STMND1: variants seen among roughly 807,000 people sequenced by gnomAD.
STMND1 encodes the protein stathmin domain-containing protein 1.
STMND1 carries 17 observed loss-of-function variants against 23.0 expected under a neutral mutation model. That is an observed-to-expected ratio of 0.74 (90% confidence interval 0.51 to 1.11). The LOEUF (loss-of-function observed/expected upper bound fraction) is 1.11, where lower values mean the gene tolerates loss of function less well. Among genes scored for constraint, STMND1 ranks in the 50% least tolerant of loss-of-function variants. The pLI is 0.00. For synonymous variants in STMND1, 114 were observed against 119.9 expected, an observed-to-expected ratio of 0.95 and a Z score of 0.32; for missense variants, 305 against 329.1, an observed-to-expected ratio of 0.93 and a Z score of 0.57.
At chr6:17,123,270 A>G (rs1456424161) in intron 3 of STMND1, among the ~76,000 whole-genome samples, 4 of 152,172 alleles carry the variant, frequency 2.6e-5, no homozygotes, top group African/African-American at 9.7e-5. Flanking sequence ...AAAGATGAAG[A>G]CTATTTTTCA....
Position 17,115,013 on chromosome 6 carries a change from G to A in STMND1, c.133G>A (p.Ala45Thr), listed in dbSNP as rs1019129811. 1.3e-6 allele frequency: 2 copies of A among 1,534,884 alleles called. No homozygotes were observed. The highest frequency in any genetic ancestry group is 2.7e-5 in the African/African-American group (2 of 72,960). ...GGAAAATTGCAGCCCCCGGATGGAA[G>A]CTGCTCTGACCAAGAATACTGTGGA... ...TGENCSPRMEAALTKNTVDIA... is the reference protein window; with the variant it reads ...TGENCSPRMETALTKNTVDIA... The change falls in exon 2 of 5, where the codon GCT becomes ACT. Residue 45 changes from alanine to threonine, a missense_variant. Transcript: ENST00000536551.
intron 1 of STMND1, among the ~76,000 whole-genome samples, chr6:17,102,612 G>A (rs1484841132): frequency 6.6e-6 from 1 of 152,170 alleles, no homozygotes; most frequent in Admixed American, 6.5e-5. Context: ...AGAGCCTTTG[G>A]TGTTTAAAGA....
intron 1 of STMND1, among the ~76,000 whole-genome samples, chr6:17,103,526 A>G (rs1027154130): frequency 6.8e-6 from 1 of 147,756 alleles, no homozygotes; most frequent in Non-Finnish European, 1.5e-5. Context: ...TCTGCTTTCC[A>G]TCCTGAAACT....
At chr6:17,111,445 A>G (rs1761095597) in intron 1 of STMND1, among the ~76,000 whole-genome samples, 1 of 152,194 alleles carries the variant, frequency 6.6e-6, no homozygotes, top group African/African-American at 2.4e-5. Flanking sequence ...ATTCCAACAC[A>G]GTTTATAATA....
At chr6:17,117,214 G>A (rs528113881) in intron 2 of STMND1, among the ~76,000 whole-genome samples, 12 of 151,900 alleles carry the variant, frequency 7.9e-5, no homozygotes, top group Admixed American at 7.2e-4. Context: ...GATTACAGGC[G>A]CCCACCACCA....
At chr6:17,112,898 A>C (rs1761112026) in intron 1 of STMND1, among the ~76,000 whole-genome samples, 1 of 152,198 alleles carries the variant, frequency 6.6e-6, no homozygotes. Context: ...GCAATATATG[A>C]GGGTTCCAAT....
chr6:17,108,376 T>C (rs1052597700), intron 1 of STMND1, among the ~76,000 whole-genome samples: 2 of 152,222 alleles, frequency 1.3e-5, no homozygotes, highest in Non-Finnish European at 2.9e-5. Flanking sequence ...TTGTTGTTGT[T>C]ACTATCGTTA....
At chr6:17,106,849 C>A (rs4716109) in intron 1 of STMND1, among the ~76,000 whole-genome samples, 49,038 of 151,934 alleles carry the variant, frequency 0.32, 8,096 homozygotes, top group African/African-American at 0.34. Flanking sequence ...TTTAGTTTAT[C>A]GTGGTGAGAA....
At chr6:17,110,739 GC>G (rs1581367484) in intron 1 of STMND1, 1 of 452,088 alleles carries the variant, frequency 2.2e-6, no homozygotes, top group Non-Finnish European at 4.4e-6. Flanking sequence ...CTGCACTCAA[GC>G]CTGGGTGACA....
intron 3 of STMND1, among the ~76,000 whole-genome samples, chr6:17,124,631 C>T (rs1200018400): frequency 2.0e-5 from 3 of 152,188 alleles, no homozygotes; most frequent in Admixed American, 6.5e-5. Context: ...GTGAATACCA[C>T]AGTAATTCCA....
At chr6:17,128,378 C>G (rs1312126958) in intron 3 of STMND1, 1 of 152,194 alleles carries the variant, frequency 6.6e-6, no homozygotes, top group Non-Finnish European at 1.5e-5. Context: ...AAACCAGAAG[C>G]AATGAGAACT....
chr6:17,122,007 T>C (rs1018686055), intron 3 of STMND1, among the ~76,000 whole-genome samples: 3 of 151,876 alleles, frequency 2.0e-5, no homozygotes, highest in African/African-American at 7.3e-5. Context: ...GGGTTACAGG[T>C]GCCCACCATC....
Position 17,115,066 on chromosome 6 carries a change from G to C in STMND1, c.186G>C (p.Gln62His). 18 of 1,536,048 alleles carry C rather than the reference G, an allele frequency of 1.2e-5. No homozygotes were observed. The highest frequency in any genetic ancestry group is 1.6e-5 in the Non-Finnish European group (18 of 1,146,866). Reference sequence around the variant, plus strand: ...TTGCAGAAGGCCTGGAACAAGTCCAGATGGGAAGCTTACCTGGAACCATTT... The same window carrying C: ...TTGCAGAAGGCCTGGAACAAGTCCACATGGGAAGCTTACCTGGAACCATTT... ...VDIAEGLEQV[Q>H]MGSLPGTISE... Residue 62 changes from glutamine (Q) to histidine (H), a missense_variant, in exon 2 of 5, where the codon CAG becomes CAC. Transcript: ENST00000536551.
At chr6:17,107,718 T>G (rs1481729838) in intron 1 of STMND1, among the ~76,000 whole-genome samples, 1 of 152,198 alleles carries the variant, frequency 6.6e-6, no homozygotes, top group Non-Finnish European at 1.5e-5. Flanking sequence ...CACCTCAGCC[T>G]GCTGAGTAGC....
chr6:17,112,883 G>T (rs1268695435), intron 1 of STMND1, among the ~76,000 whole-genome samples: 1 of 152,146 alleles, frequency 6.6e-6, no homozygotes, highest in Non-Finnish European at 1.5e-5. Context: ...TTTCACATTT[G>T]CCCAGCAATA....
At chr6:17,129,741 G>A (rs1240778130) in intron 4 of STMND1, among the ~76,000 whole-genome samples, 1 of 152,060 alleles carries the variant, frequency 6.6e-6, no homozygotes, top group African/African-American at 2.4e-5. Flanking sequence ...CTACTCGGGA[G>A]GCTGAGGCAG....
intron 3 of STMND1, among the ~76,000 whole-genome samples, chr6:17,121,979 C>G (rs889256571): frequency 6.6e-6 from 1 of 151,968 alleles, no homozygotes; most frequent in Non-Finnish European, 1.5e-5. Flanking sequence ...TCTCCTGCCT[C>G]AGCCTCCTAG....
chr6:17,124,723 C>A (rs959646181), intron 3 of STMND1, among the ~76,000 whole-genome samples: 19 of 151,976 alleles, frequency 1.3e-4, no homozygotes, highest in Admixed American at 1.2e-3. Context: ...TCAGGCTGGG[C>A]AAGATGGCTT....
chr6:17,108,812 T>G (rs1761059783), intron 1 of STMND1, among the ~76,000 whole-genome samples: 1 of 151,526 alleles, frequency 6.6e-6, no homozygotes, highest in Non-Finnish European at 1.5e-5. Flanking sequence ...TTCTCCTGCC[T>G]CAGCTTCCTG....
Sources: gnomAD v4.1 joint callset for allele counts (sites outside exome capture counted in the v4.1 genomes callset) on GRCh38, gnomAD v4.1.1 for gene constraint, MANE v1.5 for transcripts, NCBI Gene and HGNC (gene_info 2026-07-23, HGNC 2026-07-21) for gene names.